HDGFL2: variants seen among roughly 807,000 people sequenced by gnomAD.
HDGFL2 encodes hepatoma-derived growth factor-related protein 2.
In HDGFL2, 36 loss-of-function variants were observed where a neutral mutation model predicts 77.1. That is an observed-to-expected ratio of 0.47 (90% CI 0.36 to 0.62). The LOEUF is 0.62. HDGFL2 is among the 20% of genes least tolerant of loss of function. The pLI is 0.00. For synonymous variants in HDGFL2, 463 were observed against 413.1 expected, an observed-to-expected ratio of 1.12 and a Z score of -1.46; for missense variants, 976 against 973.4, an observed-to-expected ratio of 1.00 and a Z score of -0.04.
chr19:4,494,080 C>G lies in HDGFL2; in HGVS notation c.914+23C>G, dbSNP rs781281595. ...CAGGTGGGTGCTGGGGCTGGGGTCC[C>G]CTCTGGCGGCTCCTCCATCGGCTGA... On this transcript the variant is annotated intron_variant, in intron 8 of 15. Coordinates refer to ENST00000616600, the MANE Select transcript of HDGFL2 (RefSeq NM_001001520.3). 22 of 1,563,602 alleles carry G rather than the reference C, an allele frequency of 1.4e-5. No homozygotes were observed. In the South Asian group the frequency reaches 2.2e-4, roughly 16 times the overall value.
chr19:4,484,665 A>ACTTTTTTTTTTT, intron 3 of HDGFL2, among the ~76,000 whole-genome samples: 1 of 47,282 alleles, frequency 2.1e-5, no homozygotes, highest in Admixed American at 2.1e-4. Flanking sequence ...ACGCCTGGCT[A>ACTTTTTTTTTTT]ATTTTTTTTT....
chr19:4,492,760 G>C (rs1021880667), intron 6 of HDGFL2, among the ~76,000 whole-genome samples: 11 of 142,108 alleles, frequency 7.7e-5, no homozygotes, highest in South Asian at 4.5e-4. Context: ...TTGTGTGTCT[G>C]GTGTGTCTGT....
intron 15 of HDGFL2, chr19:4,501,628 G>A (rs1020546464): frequency 1.5e-5 from 7 of 474,488 alleles, no homozygotes; most frequent in African/African-American, 6.0e-5. Flanking sequence ...GCTATCTGAC[G>A]GTGCCTGTGC....
chr19:4,493,759 T>C lies in HDGFL2; in HGVS notation c.735T>C (p.Pro245=). 1 of 1,541,908 alleles carries C rather than the reference T, an allele frequency of 6.5e-7. No individual in the cohort carries two copies. The highest frequency in any genetic ancestry group is 1.2e-5 in the South Asian group (1 of 83,176). The change falls in exon 7 of 16, where the codon CCT becomes CCC. Residue 245 remains proline, a synonymous_variant. Transcript: ENST00000616600. ...AGGCCGATTCGGACGGGGCCAAGCC[T>C]GAGCCGGTGGCCATGGCGCGGTCGG... ...DSKADSDGAK[P]EPVAMARSAS...
chr19:4,482,796 A>G (rs1354315324), intron 3 of HDGFL2, among the ~76,000 whole-genome samples: 2 of 152,176 alleles, frequency 1.3e-5, no homozygotes, highest in Non-Finnish European at 2.9e-5. Context: ...CAGGCTGGTC[A>G]TGCCCACCGG....
chr19:4,486,720 C>G (rs925225333), intron 3 of HDGFL2, among the ~76,000 whole-genome samples: 1 of 152,034 alleles, frequency 6.6e-6, no homozygotes, highest in African/African-American at 2.4e-5. Flanking sequence ...TTTCCTCCCA[C>G]AAGCATGAGC....
At chr19:4,493,163 CTGTGTG>C (rs1375766149) in intron 6 of HDGFL2, among the ~76,000 whole-genome samples, 1 of 93,362 alleles carries the variant, frequency 1.1e-5, no homozygotes, top group Non-Finnish European at 2.1e-5. Flanking sequence ...TGTGTGTTGT[CTGTGTG>C]TGGTGTGTGC....
chr19:4,494,318 G>C lies in HDGFL2; in HGVS notation c.1067G>C (p.Arg356Pro). ...EKEEKERRRE[R>P]ADRGEAERGS... ...GAGGAGAAGGAGCGGAGGCGCGAGC[G>C]GGCCGACCGCGGGGAGGCTGAGCGG... The change falls in exon 9 of 16, where the codon CGG (arginine) becomes CCG (proline). Residue 356 changes from arginine (R) to proline (P), a missense_variant. Arg to Pro is a moderately radical substitution (Grantham distance 103, BLOSUM62 -2). Coordinates refer to ENST00000616600, the MANE Select transcript of HDGFL2 (RefSeq NM_001001520.3). 1 of 1,424,516 alleles carries C rather than the reference G, an allele frequency of 7.0e-7. No homozygotes were observed. 88.2% of individuals were successfully genotyped at this position (1,424,516 alleles called of 1,614,324 possible). A position where few individuals can be genotyped will look rare whatever the true frequency, so the allele number is the denominator to read the frequency against.
In HDGFL2 at chr19:4,494,242, C is replaced by A. The variant is rs551002920; in HGVS notation, c.991C>A (p.Arg331=). ...GCGGAGGCGCGAGCTGGAGGCCCGG[C>A]GGCGGCGAGAGCAGGAGGAGGAGCT... ...EARRRELEAR[R]RREQEEELRR... The change falls in exon 9 of 16, where the codon CGG becomes AGG. Residue 331 remains arginine, a synonymous_variant. Transcript: ENST00000616600. 2 of 1,460,614 alleles carry A rather than the reference C, an allele frequency of 1.4e-6. No homozygotes were observed. Among genetic ancestry groups the A allele is most frequent in the Non-Finnish European group, 9.0e-7 (1 of 1,109,776 alleles). 90.5% of individuals were successfully genotyped at this position (1,460,614 alleles called of 1,614,324 possible).
At chr19:4,491,270 C>T (rs1599714738) in intron 4 of HDGFL2, among the ~76,000 whole-genome samples, 3 of 108,078 alleles carry the variant, frequency 2.8e-5, no homozygotes, top group East Asian at 2.8e-4. Flanking sequence ...CACCCCCCCA[C>T]CCCCCCACCC....
chr19:4,485,705 G>C lies in HDGFL2; in HGVS notation c.289-2971G>C, dbSNP rs146563168. ...TGCAGTGAACCGAGATGGCACCACTGCCCTCCAGCCTGGGCGACAGAGCGA... is the reference window on the plus strand; with the variant it reads ...TGCAGTGAACCGAGATGGCACCACTCCCCTCCAGCCTGGGCGACAGAGCGA... On this transcript the variant is annotated intron_variant, in intron 3 of 15. Coordinates refer to ENST00000616600, the MANE Select transcript of HDGFL2 (RefSeq NM_001001520.3). Among the ~76,000 whole-genome samples, 1,372 of 151,240 alleles carry C rather than the reference G, an allele frequency of 9.1e-3. 18 individuals carry two copies. Among genetic ancestry groups the C allele is most frequent in the Middle Eastern group, 0.024 (7 of 292 alleles).
Position 4,496,360 on chromosome 19 carries a change from G to A in HDGFL2, c.1283G>A (p.Gly428Asp), listed in dbSNP as rs944662729. 6.2e-7 allele frequency: 1 copy of A among 1,614,060 alleles called. No individual in the cohort carries two copies. Among genetic ancestry groups the A allele is most frequent in the Non-Finnish European group, 8.5e-7 (1 of 1,179,956 alleles). Residue 428 changes from glycine (G) to aspartate (D), a missense_variant, in exon 10 of 16, where the codon GGC becomes GAC. Physicochemically the swap from Gly to Asp is moderately conservative, Grantham distance 94 (BLOSUM62 -1). Around this residue, in one of 5 missense-constraint regions of HDGFL2, gnomAD observed 567 missense variants for 534.7 expected, o/e 1.06. Coordinates refer to ENST00000616600, the MANE Select transcript of HDGFL2 (RefSeq NM_001001520.3). The part of the protein sequence containing the change: ...SSSTEPARKP[G>D]QKEKRVRPEE... ...AGCACAGAGCCCGCCAGGAAACCTG[G>A]CCAGAAGGAGAAGAGAGTGCGGCCC...
chr19:4,472,890 G>A (rs931755923), intron 1 of HDGFL2, among the ~76,000 whole-genome samples: 2 of 147,662 alleles, frequency 1.4e-5, no homozygotes, highest in Admixed American at 1.3e-4. Context: ...CAGGAGCCGC[G>A]CCCCGGGGTC....
chr19:4,494,259 G>A lies in HDGFL2; in HGVS notation c.1008G>A (p.Glu336=). The A allele has an allele frequency of 1.4e-6, 2 of 1,459,676 alleles. No homozygotes were observed. Among genetic ancestry groups the A allele is most frequent in the Non-Finnish European group, 1.8e-6 (2 of 1,110,086 alleles). The allele number at this position is 1,459,676 out of a possible 1,614,324, so 90.4% of individuals were successfully genotyped here. ...ELEARRRREQ[E]EELRRLREQE... is the part of the protein sequence containing the mutation. ...AGGCCCGGCGGCGGCGAGAGCAGGA[G>A]GAGGAGCTGCGGCGCCTGCGGGAGC... Residue 336 remains glutamate (E), a synonymous_variant, in exon 9 of 16, where the codon GAG becomes GAA. Transcript: ENST00000616600.
At chr19:4,497,206 T>G (rs551628189) in intron 10 of HDGFL2, 27 of 425,468 alleles carry the variant, frequency 6.3e-5, no homozygotes, top group South Asian at 1.2e-4. Context: ...TTTTGTTTTT[T>G]TTTGAGACAG....
At chr19:4,495,968 A>G (rs1975690961) in intron 9 of HDGFL2, among the ~76,000 whole-genome samples, 3 of 152,244 alleles carry the variant, frequency 2.0e-5, no homozygotes, top group South Asian at 2.1e-4. Context: ...AAGCACGAAC[A>G]GCGCCGTGTT....
chr19:4,472,731 T>C (rs1413833220), intron 1 of HDGFL2, among the ~76,000 whole-genome samples: 3 of 142,552 alleles, frequency 2.1e-5, no homozygotes, highest in Non-Finnish European at 4.6e-5. Context: ...CTGGGGGTCC[T>C]GGGCTGCAGG....
intron 15 of HDGFL2, 66 bp downstream of exon 15, chr19:4,501,383 C>G: frequency 9.9e-6 from 15 of 1,507,998 alleles, no homozygotes; most frequent in East Asian, 7.2e-5. Flanking sequence ...ACCCTGGGTC[C>G]GAGCCGCTCC....
intron 4 of HDGFL2, among the ~76,000 whole-genome samples, chr19:4,489,560 C>T (rs1055197911): frequency 1.3e-5 from 2 of 152,084 alleles, no homozygotes; most frequent in African/African-American, 2.4e-5. Context: ...TCCACCACCA[C>T]GCCCGGCTAA....
Sources: allele counts gnomAD v4.1 joint callset (sites outside exome capture counted in the v4.1 genomes callset), GRCh38; gene constraint gnomAD v4.1.1; regional missense constraint gnomAD v4.1.1; transcripts MANE v1.5; gene names NCBI Gene and HGNC (gene_info 2026-07-23, HGNC 2026-07-21).